Variants in TMEM44 observed in about 807,000 individuals in gnomAD.
TMEM44 encodes the protein transmembrane protein 44.
In TMEM44, 43 loss-of-function variants were observed where a neutral mutation model predicts 47.8. The ratio of observed to expected loss-of-function variants is 0.90; its 90% CI spans 0.70 to 1.16. TMEM44 has a LOEUF of 1.16. TMEM44 is among the 50% of genes most tolerant of loss of function. The probability of loss-of-function intolerance (pLI) is 0.00; values close to 1 mark genes in which losing one functional copy is unlikely to be tolerated. For missense variants in TMEM44, 568 were observed against 555.2 expected (o/e 1.02, Z -0.23); for synonymous variants, 277 against 238.8 (o/e 1.16, Z -1.48).
intron 1 of TMEM44, among the ~76,000 whole-genome samples, chr3:194,631,276 T>C (rs974610659): frequency 1.3e-5 from 2 of 151,978 alleles, no homozygotes; most frequent in African/African-American, 4.8e-5. Flanking sequence ...CTGAAATACA[T>C]TGTCGTACCT....
intron 5 of TMEM44, 23 bp from the exon 6 acceptor site, chr3:194,617,292 TG>T: frequency 1.6e-6 from 1 of 615,686 alleles, no homozygotes; most frequent in Non-Finnish European, 2.7e-6. Flanking sequence ...AGGGAGGGGC[TG>T]GGCGGGAGAA....
At chr3:194,599,828 C>T (rs1315997331) in intron 9 of TMEM44, among the ~76,000 whole-genome samples, 2 of 146,706 alleles carry the variant, frequency 1.4e-5, no homozygotes, top group Non-Finnish European at 3.0e-5. Context: ...GGCTCGATCT[C>T]GGCTCACTGC....
chr3:194,622,265 T>G (rs1716625818), intron 5 of TMEM44, among the ~76,000 whole-genome samples: 2 of 152,242 alleles, frequency 1.3e-5, no homozygotes, highest in South Asian at 4.1e-4. Flanking sequence ...TGAGGTAACG[T>G]GACGCCTCCC....
intron 8 of TMEM44, among the ~76,000 whole-genome samples, chr3:194,605,222 C>G (rs146231674): frequency 2.0e-5 from 3 of 152,128 alleles, no homozygotes; most frequent in South Asian, 2.1e-4. Context: ...AAAGCTTCCC[C>G]CCATGGGCTC....
chr3:194,625,747 T>C, intron 3 of TMEM44, 150 bp downstream of exon 3: 1 of 640,912 alleles, frequency 1.6e-6, no homozygotes, highest in Non-Finnish European at 2.9e-6. Context: ...CCCAAAGTGC[T>C]GGGATTCCAG....
chr3:194,591,181 C>T (rs574266878), intron 9 of TMEM44, among the ~76,000 whole-genome samples: 4 of 150,520 alleles, frequency 2.7e-5, no homozygotes, highest in African/African-American at 4.9e-5. Context: ...GCAACAAGAG[C>T]GAAACTCCAT....
chr3:194,588,201 C>A lies in TMEM44; in HGVS notation c.*328G>T, dbSNP rs562213931. 3.8e-6 allele frequency: 1 copy of A among 260,182 alleles called. No homozygotes were observed. Among genetic ancestry groups the A allele is most frequent in the Non-Finnish European group, 7.4e-6 (1 of 135,238 alleles). The allele number at this position is 260,182 out of a possible 1,614,324, so 16.1% of individuals were successfully genotyped here. A position where few individuals can be genotyped will look rare whatever the true frequency, so the allele number is the denominator to read the frequency against. The stretch of plus-strand genomic sequence containing the variant: ...CATTCCTGGAACCTAGCAGGTATTC[C>A]GTTCATGGCTGACTCTCAAGGGAAT... On this transcript the variant is annotated 3_prime_UTR_variant, in exon 10 of 10. Transcript: ENST00000347147.
chr3:194,610,972 T>C lies in TMEM44; in HGVS notation c.961A>G (p.Arg321Gly), dbSNP rs748726688. 77 of 1,613,948 alleles carry C rather than the reference T, an allele frequency of 4.8e-5. No homozygotes were observed. In the East Asian group the frequency reaches 1.6e-3, roughly 34 times the overall value. Residue 321 changes from arginine to glycine, a missense_variant, in exon 8 of 10, where the codon AGG (arginine) becomes GGG (glycine). Arg to Gly is a moderately radical substitution (Grantham distance 125). Transcript: ENST00000347147. Reference protein sequence around the residue: ...LTTLSHCKSLRTMTAISRYME... With the variant: ...LTTLSHCKSLGTMTAISRYME... ...TAGCGACTGATTGCTGTCATTGTCC[T>C]CAGTGACTTGCAGTGTGACAGTGTG...
intron 7 of TMEM44, among the ~76,000 whole-genome samples, chr3:194,612,523 G>A (rs1233295498): frequency 1.3e-5 from 2 of 151,844 alleles, no homozygotes; most frequent in South Asian, 2.1e-4. Context: ...CCTCCATCCT[G>A]GCCACGGAGG....
At chr3:194,602,920 C>T (rs1714316080) in intron 9 of TMEM44, among the ~76,000 whole-genome samples, 1 of 152,182 alleles carries the variant, frequency 6.6e-6, no homozygotes, top group Admixed American at 6.5e-5. Flanking sequence ...AATTAAAACC[C>T]AAACCAAAAA....
chr3:194,631,481 C>G (rs1717823886), intron 1 of TMEM44, among the ~76,000 whole-genome samples: 1 of 152,198 alleles, frequency 6.6e-6, no homozygotes, highest in South Asian at 2.1e-4. Flanking sequence ...CTGGCCCAAG[C>G]CTGAAGCTCA....
At chr3:194,613,077 A>G (rs532897718) in intron 7 of TMEM44, among the ~76,000 whole-genome samples, 2 of 152,370 alleles carry the variant, frequency 1.3e-5, no homozygotes, top group East Asian at 3.9e-4. Flanking sequence ...TCATCTGTTT[A>G]AATCAATAAA....
intron 3 of TMEM44, among the ~76,000 whole-genome samples, chr3:194,625,437 G>GC (rs1346427885): frequency 8.1e-6 from 1 of 123,562 alleles, no homozygotes; most frequent in African/African-American, 3.0e-5. Context: ...TTTTGGGGGG[G>GC]GGGGGTTGTT....
chr3:194,606,845 C>G (rs970306847), intron 8 of TMEM44, among the ~76,000 whole-genome samples: 2 of 148,724 alleles, frequency 1.3e-5, no homozygotes, highest in Admixed American at 1.4e-4. Context: ...ATTTGGGAGG[C>G]TGAGGCATGA....
chr3:194,593,077 C>A (rs773585333), intron 9 of TMEM44: 1 of 1,613,398 alleles, frequency 6.2e-7, no homozygotes, highest in Non-Finnish European at 8.5e-7. Flanking sequence ...ACTTCTGCTG[C>A]AGAATAAAAA....
intron 9 of TMEM44, among the ~76,000 whole-genome samples, chr3:194,601,229 C>T (rs938603184): frequency 4.0e-5 from 6 of 151,746 alleles, no homozygotes; most frequent in Non-Finnish European, 5.9e-5. Context: ...CTGCAATCTC[C>T]GCCCCTCCGG....
intron 4 of TMEM44, 97 bp from the exon 5 acceptor site, chr3:194,623,407 T>C (rs1716791951): frequency 2.0e-6 from 3 of 1,508,612 alleles, no homozygotes; most frequent in Non-Finnish European, 2.7e-6. Context: ...TTTCTGCTTT[T>C]AGAGGGTTCT....
At chr3:194,632,922 C>T in intron 1 of TMEM44, 157 bp downstream of exon 1, 2 of 1,122,970 alleles carry the variant, frequency 1.8e-6, no homozygotes, top group Non-Finnish European at 2.4e-6. Context: ...AAGAAGATCC[C>T]ACTTCAGTCT....
chr3:194,618,903 C>T (rs774117568), intron 5 of TMEM44, among the ~76,000 whole-genome samples: 18 of 152,252 alleles, frequency 1.2e-4, no homozygotes, highest in Admixed American at 9.2e-4. Context: ...CACAGTCCCA[C>T]GCTTCTCCGT....
Sources: gnomAD v4.1 joint callset for allele counts (sites outside exome capture counted in the v4.1 genomes callset) on GRCh38, gnomAD v4.1.1 for gene constraint, MANE v1.5 for transcripts, NCBI Gene and HGNC (gene_info 2026-07-23, HGNC 2026-07-21) for gene names.